SDSL: variants seen among roughly 807,000 people sequenced by gnomAD.
SDSL encodes serine dehydratase like, also known as serine dehydratase-like.
SDSL carries 26 observed loss-of-function variants against 27.6 expected under a neutral mutation model. The ratio of observed to expected loss-of-function variants is 0.94; its 90% confidence interval spans 0.69 to 1.31. The LOEUF is 1.31. SDSL is among the 50% of genes most tolerant of loss of function. SDSL has a pLI of 0.00. For missense variants in SDSL, 431 were observed against 423.5 expected (o/e 1.02, Z -0.16); for synonymous variants, 196 against 180.6 (o/e 1.09, Z -0.69).
At chr12:113,428,813 TGG>T (rs903199260) in intron 3 of SDSL, among the ~76,000 whole-genome samples, 7 of 152,104 alleles carry the variant, frequency 4.6e-5, no homozygotes, top group African/African-American at 1.7e-4. Context: ...GTGGGCCTCA[TGG>T]TAGCAAGATG....
rs549707913 is a variant in SDSL, at chr12:113,435,318, C to T, written c.444-11C>T. 57 of 1,490,112 alleles carry T rather than the reference C, an allele frequency of 3.8e-5. No individual in the cohort carries two copies. In the South Asian group the frequency reaches 6.6e-4, roughly 17 times the overall value. 92.3% of individuals were successfully genotyped at this position (1,490,112 alleles called of 1,614,324 possible). ...CTCACTCTGCTTCTCCCTCTCACCC[C>T]CCCTCCCCAGGAAAGGCCACGCCAG... On this transcript the variant is annotated splice_polypyrimidine_tract_variant and intron_variant, in intron 5 of 7. Coordinates refer to ENST00000403593, the MANE Select transcript of SDSL (RefSeq NM_001304993.2).
In SDSL at chr12:113,435,323, C is replaced by T; in HGVS notation, c.444-6C>T. 1 of 1,499,114 alleles carries T rather than the reference C, an allele frequency of 6.7e-7. No individual in the cohort carries two copies. Among genetic ancestry groups the T allele is most frequent in the South Asian group, 1.3e-5 (1 of 75,230 alleles). The allele number at this position is 1,499,114 out of a possible 1,614,324, so 92.9% of individuals were successfully genotyped here. On this transcript the variant is annotated splice_region_variant and splice_polypyrimidine_tract_variant and intron_variant, in intron 5 of 7. Coordinates refer to ENST00000403593, the MANE Select transcript of SDSL (RefSeq NM_001304993.2). ...TCTGCTTCTCCCTCTCACCCCCCCT[C>T]CCCAGGAAAGGCCACGCCAGCCTGG...
chr12:113,437,005 T>A, intron 7 of SDSL, 130 bp downstream of exon 7: 1 of 894,856 alleles, frequency 1.1e-6, no homozygotes, highest in South Asian at 2.3e-5. Flanking sequence ...TACTGTGCAC[T>A]AAGTGCACGT....
At chr12:113,432,239 T>A (rs1410804497) in intron 4 of SDSL, among the ~76,000 whole-genome samples, 7 of 132,386 alleles carry the variant, frequency 5.3e-5, no homozygotes, top group Non-Finnish European at 9.7e-5. Flanking sequence ...TTTCTTTCTT[T>A]CTTTCTTTCT....
At chr12:113,436,702 T>A in intron 6 of SDSL, 49 bp from the exon 7 acceptor site, 1 of 1,512,454 alleles carries the variant, frequency 6.6e-7, no homozygotes, top group Non-Finnish European at 8.8e-7. Context: ...TTTCACCAGC[T>A]CTTCCCTGAG....
chr12:113,430,926 A>G (rs1165695464), intron 4 of SDSL, among the ~76,000 whole-genome samples: 1 of 152,212 alleles, frequency 6.6e-6, no homozygotes, highest in African/African-American at 2.4e-5. Context: ...ATTAAGCCAC[A>G]TGGCAAGGTG....
At chr12:113,431,830 C>T (rs1455281664) in intron 4 of SDSL, among the ~76,000 whole-genome samples, 2 of 151,786 alleles carry the variant, frequency 1.3e-5, no homozygotes, top group East Asian at 1.9e-4. Flanking sequence ...GGTCTGCCTC[C>T]CGGGTTCACA....
chr12:113,428,465 C>G lies in SDSL; in HGVS notation c.214+6C>G. The G allele has an allele frequency of 1.2e-6, 2 of 1,610,758 alleles. No homozygotes were observed. The highest frequency in any genetic ancestry group is 1.7e-6 in the Non-Finnish European group (2 of 1,179,082). On this transcript the variant is annotated splice_donor_region_variant and intron_variant, in intron 3 of 7. Transcript: ENST00000403593. ...ACACCTGGTGTGCTCCTCAGGTGAC[C>G]CCACCTTTTTTTGTTTCATGGGCAG...
At chr12:113,434,328 G>T (rs1466039854) in intron 5 of SDSL, 106 bp downstream of exon 5, 1 of 855,812 alleles carries the variant, frequency 1.2e-6, no homozygotes, top group Non-Finnish European at 1.8e-6. Context: ...GAGGGGAGAA[G>T]AGGCTTCAAA....
Position 113,428,111 on chromosome 12 carries a change from C to T in SDSL, c.129C>T (p.Pro43=), listed in dbSNP as rs749608367. The T allele has an allele frequency of 6.2e-7, 1 of 1,613,606 alleles. No individual in the cohort carries two copies. The highest frequency in any genetic ancestry group is 1.1e-5 in the South Asian group (1 of 90,920). Residue 43 remains proline, a synonymous_variant, in exon 2 of 8, where the codon CCC becomes CCT. Transcript: ENST00000403593. ...TCCTCAAGTGTGAGAATGTGCAGCC[C>T]AGCGGCTCCTTCAAGATTCGGGGCA... ...PVFLKCENVQ[P]SGSFKIRGIG...
At position 113,427,969 on chromosome 12, in the gene SDSL, A is replaced by C. The variant is rs1957869298; in HGVS notation, c.-14A>C. ...CTTTGTGTCCTCCTGCAGGCTGTCT[A>C]CCTGGTCTCCAGAATGGACGGCCCT... On this transcript the variant is annotated 5_prime_UTR_variant, in exon 2 of 8. Transcript: ENST00000403593. The C allele has an allele frequency of 6.2e-7, 1 of 1,605,076 alleles. No individual in the cohort carries two copies. Among genetic ancestry groups the C allele is most frequent in the African/African-American group, 1.3e-5 (1 of 74,710 alleles).
chr12:113,432,217 TTTCTTTCTTTCTTTC>T (rs1437744023), intron 4 of SDSL, among the ~76,000 whole-genome samples: 4 of 1,850 alleles, frequency 2.2e-3, no homozygotes, highest in Non-Finnish European at 3.9e-3. Context: ...TGCTTCTTTC[TTTCTTTCTTTCTTTC>T]TTTCTTTCTT....
Position 113,434,153 on chromosome 12 carries a change from T to C in SDSL, c.374T>C (p.Leu125Pro). 6.2e-7 allele frequency: 1 copy of C among 1,613,718 alleles called. No individual in the cohort carries two copies. Among genetic ancestry groups the C allele is most frequent in the Non-Finnish European group, 8.5e-7 (1 of 1,179,792 alleles). ...LTGKVWDEAN[L>P]RAQELAKRDG... is the part of the protein sequence containing the mutation. ...CTGTAGGTCTGGGACGAGGCCAATCTGAGGGCGCAAGAGTTGGCCAAGAGG... is the reference window on the plus strand; with the variant it reads ...CTGTAGGTCTGGGACGAGGCCAATCCGAGGGCGCAAGAGTTGGCCAAGAGG... Residue 125 changes from leucine to proline, a missense_variant, in exon 5 of 8, where the codon CTG becomes CCG. Coordinates refer to ENST00000403593, the MANE Select transcript of SDSL (RefSeq NM_001304993.2).
chr12:113,426,214 G>T (rs1392925934), intron 1 of SDSL: 1 of 455,772 alleles, frequency 2.2e-6, no homozygotes, highest in South Asian at 1.5e-5. Flanking sequence ...CCCTCGAGGT[G>T]GTCCTGGCTG....
chr12:113,432,074 A>G (rs1957928719), intron 4 of SDSL, among the ~76,000 whole-genome samples: 1 of 151,574 alleles, frequency 6.6e-6, no homozygotes, highest in Non-Finnish European at 1.5e-5. Context: ...TATTTTTAGT[A>G]GAGACAGGGT....
At chr12:113,434,880 C>T (rs1275417406) in intron 5 of SDSL, among the ~76,000 whole-genome samples, 3 of 152,100 alleles carry the variant, frequency 2.0e-5, no homozygotes, top group Non-Finnish European at 4.4e-5. Context: ...TTTGGGAGGC[C>T]GAGGCGGGTG....
chr12:113,435,222 A>C (rs931122497), intron 5 of SDSL, 107 bp from the exon 6 acceptor site: 2 of 680,186 alleles, frequency 2.9e-6, no homozygotes, highest in Non-Finnish European at 4.8e-6. Flanking sequence ...GGGTTTATGT[A>C]TATGAGGGGG....
intron 7 of SDSL, chr12:113,437,087 A>G (rs2136962594): frequency 2.8e-6 from 1 of 362,962 alleles, no homozygotes; most frequent in Middle Eastern, 4.3e-4. Flanking sequence ...ACTTTCATAC[A>G]TGCTGCTCCT....
intron 2 of SDSL, 67 bp downstream of exon 2, chr12:113,428,223 G>C (rs1301619786): frequency 6.7e-6 from 10 of 1,491,010 alleles, no homozygotes; most frequent in African/African-American, 1.4e-5. Context: ...TGAGGGGTGT[G>C]GGCTGGGGAC....
Sources: allele counts gnomAD v4.1 joint callset (sites outside exome capture counted in the v4.1 genomes callset), GRCh38; gene constraint gnomAD v4.1.1; transcripts MANE v1.5; gene names NCBI Gene and HGNC (gene_info 2026-07-23, HGNC 2026-07-21).